Variants in ODAD2 observed in about 807,000 individuals in gnomAD.
ODAD2 encodes the protein outer dynein arm docking complex subunit 2.
Under a neutral mutation model 106.8 loss-of-function variants are expected in ODAD2, and 89 were observed. That is an observed-to-expected ratio of 0.83 (90% CI 0.70 to 0.99). The LOEUF is 0.99. Among genes scored for constraint, ODAD2 ranks in the 50% least tolerant of loss-of-function variants. The pLI, the probability that ODAD2 is intolerant of heterozygous loss-of-function variation, is 0.00. For missense variants in ODAD2, 1,168 were observed against 1,238.5 expected, an observed-to-expected ratio of 0.94 and a Z score of 0.85; for synonymous variants, 404 against 436.2, an observed-to-expected ratio of 0.93 and a Z score of 0.92.
chr10:27,984,241 T>G lies in ODAD2; in HGVS notation c.625A>C (p.Lys209Gln). ...TGGTTTCCTTTTCCTGAGAAACGTT[T>G]GAGCAGTTCTATATCCTTCTTCACC... is the stretch of plus-strand genomic sequence containing the variant. ...MTVKKDIELL[K>Q]RFSGKGNQTV... is the part of the protein sequence containing the mutation. Residue 209 changes from lysine (K) to glutamine (Q), a missense_variant, in exon 5 of 20, where the codon AAA (lysine) becomes CAA (glutamine). Physicochemically the swap from Lys to Gln is moderately conservative, Grantham distance 53. Around this residue, in one of 3 missense-constraint regions of ODAD2, gnomAD observed 430 missense variants for 452.2 expected, o/e 0.95. Coordinates refer to ENST00000305242, the MANE Select transcript of ODAD2 (RefSeq NM_018076.5). 6.2e-7 allele frequency: 1 copy of G among 1,613,942 alleles called. No individual in the cohort carries two copies. Among genetic ancestry groups the G allele is most frequent in the South Asian group, 1.1e-5 (1 of 91,072 alleles).
intron 12 of ODAD2, among the ~76,000 whole-genome samples, chr10:27,943,970 G>T (rs990180579): frequency 6.6e-6 from 1 of 152,158 alleles, no homozygotes; most frequent in African/African-American, 2.4e-5. Flanking sequence ...ACGTACAATA[G>T]GTGGTGACAG....
intron 17 of ODAD2, among the ~76,000 whole-genome samples, chr10:27,881,221 C>T (rs576295121): frequency 6.6e-6 from 1 of 152,248 alleles, no homozygotes; most frequent in Non-Finnish European, 1.5e-5. Flanking sequence ...GTTTACATAA[C>T]TAAAATAATC....
intron 17 of ODAD2, among the ~76,000 whole-genome samples, chr10:27,889,393 G>T (rs1342695147): frequency 6.6e-6 from 1 of 152,200 alleles, no homozygotes; most frequent in African/African-American, 2.4e-5. Context: ...GATGGACACA[G>T]CATATCAAAT....
rs1430138535 is a variant in ODAD2, at chr10:27,987,684, C to A, written c.225-141G>T. On this transcript the variant is annotated intron_variant, in intron 2 of 19. Coordinates refer to ENST00000305242, the MANE Select transcript of ODAD2 (RefSeq NM_018076.5). ...TAAATACATCTGGTTAGTAGCTCAT[C>A]TGTTTTCCCACTTTCTTCCACACTC... The A allele has an allele frequency of 1.5e-5, 8 of 545,430 alleles. No individual in the cohort carries two copies. The East Asian group carries it at 2.4e-4, about 16-fold the overall frequency. 33.8% of individuals were successfully genotyped at this position (545,430 alleles called of 1,614,324 possible). A position where few individuals can be genotyped will look rare whatever the true frequency, so the allele number is the denominator to read the frequency against.
intron 16 of ODAD2, among the ~76,000 whole-genome samples, chr10:27,929,906 T>C (rs1434813908): frequency 2.0e-5 from 3 of 152,154 alleles, no homozygotes; most frequent in African/African-American, 7.2e-5. Flanking sequence ...TAAGATCTTT[T>C]GGGGTCTTTT....
At chr10:27,813,813 G>A (rs1835922058) in intron 19 of ODAD2, among the ~76,000 whole-genome samples, 1 of 152,118 alleles carries the variant, frequency 6.6e-6, no homozygotes, top group South Asian at 2.1e-4. Flanking sequence ...TATATAGACT[G>A]TAGAGAAAAG....
intron 19 of ODAD2, among the ~76,000 whole-genome samples, chr10:27,821,951 GC>G (rs1047324388): frequency 2.6e-5 from 4 of 152,106 alleles, no homozygotes; most frequent in African/African-American, 9.7e-5. Context: ...AGGAAAACTA[GC>G]CCCCACGCTT....
chr10:27,931,066 A>G (rs772900783), intron 16 of ODAD2, among the ~76,000 whole-genome samples: 1 of 152,138 alleles, frequency 6.6e-6, no homozygotes, highest in Non-Finnish European at 1.5e-5. Flanking sequence ...CTCTGATGGC[A>G]AAGTCTTCAC....
chr10:27,917,003 T>C (rs1844431357), intron 16 of ODAD2, among the ~76,000 whole-genome samples: 1 of 152,132 alleles, frequency 6.6e-6, no homozygotes, highest in Non-Finnish European at 1.5e-5. Context: ...ATGATAAAGA[T>C]AGAAAAGACT....
intron 10 of ODAD2, among the ~76,000 whole-genome samples, chr10:27,960,435 C>T (rs187041778): frequency 0.018 from 2,747 of 151,298 alleles, 77 homozygotes; most frequent in African/African-American, 0.064. Context: ...CAACCTCCGC[C>T]TCCTGGGTTC....
rs189827197 is a variant in ODAD2, at chr10:27,812,212, A to C, written c.*300T>G. The C allele has an allele frequency of 2.2e-5, 7 of 313,666 alleles. No homozygotes were observed. Among genetic ancestry groups the C allele is most frequent in the Non-Finnish European group, 4.0e-5 (7 of 174,224 alleles). The allele number at this position is 313,666 out of a possible 1,614,324, so 19.4% of individuals were successfully genotyped here. On this transcript the variant is annotated 3_prime_UTR_variant, in exon 20 of 20. Coordinates refer to ENST00000305242, the MANE Select transcript of ODAD2 (RefSeq NM_018076.5). ...TTTATTAAAATCGCCACAAATACAA[A>C]AGCATCACTGAACTAAAAATACATC...
intron 17 of ODAD2, among the ~76,000 whole-genome samples, chr10:27,873,062 C>T (rs967779961): frequency 7.6e-4 from 31 of 40,748 alleles, no homozygotes; most frequent in Admixed American, 4.8e-3. Flanking sequence ...AGGGATTCAA[C>T]TTCTTCCTGG....
Position 27,940,800 on chromosome 10 carries a change from A to G in ODAD2, c.1749T>C (p.Ala583=). 1 of 1,611,616 alleles carries G rather than the reference A, an allele frequency of 6.2e-7. No homozygotes were observed. Among genetic ancestry groups the G allele is most frequent in the South Asian group, 1.1e-5 (1 of 90,500 alleles). ...TGGAATCATGTGCACAGTCTAGTAGAGCAACCTATAATAATAGATAAATCC... is the reference window on the plus strand; with the variant it reads ...TGGAATCATGTGCACAGTCTAGTAGGGCAACCTATAATAATAGATAAATCC... ...RQHGGITKLV[A]LLDCAHDSTK... Residue 583 remains alanine, a synonymous_variant, in exon 13 of 20, where the codon GCT becomes GCC. Coordinates refer to ENST00000305242, the MANE Select transcript of ODAD2 (RefSeq NM_018076.5).
intron 17 of ODAD2, among the ~76,000 whole-genome samples, chr10:27,882,146 T>C (rs1021778580): frequency 5.8e-5 from 8 of 138,624 alleles, no homozygotes; most frequent in African/African-American, 2.2e-4. Context: ...CCAGCCTGGG[T>C]GACAGAGTGA....
chr10:27,957,719 A>G (rs945395440), intron 10 of ODAD2: 1 of 152,234 alleles, frequency 6.6e-6, no homozygotes, highest in African/African-American at 2.4e-5. Context: ...TGAAATTAAC[A>G]TATGTCAAAC....
chr10:27,909,750 G>A (rs937854932), intron 16 of ODAD2, among the ~76,000 whole-genome samples: 2 of 148,446 alleles, frequency 1.3e-5, no homozygotes, highest in Non-Finnish European at 3.0e-5. Context: ...CCCAGGAGGT[G>A]GAGGTTGCAG....
At position 27,935,001 on chromosome 10, in the gene ODAD2, G is replaced by C. The variant is rs764462367; in HGVS notation, c.2495+9C>G. On this transcript the variant is annotated intron_variant, in intron 16 of 19. Coordinates refer to ENST00000305242, the MANE Select transcript of ODAD2 (RefSeq NM_018076.5). ...TATATAAAATCTTTCCATCTCCAGGGCCACTTACATCATACTTTCAGGTTC... is the reference window on the plus strand; with the variant it reads ...TATATAAAATCTTTCCATCTCCAGGCCCACTTACATCATACTTTCAGGTTC... 1.9e-6 allele frequency: 3 copies of C among 1,613,518 alleles called. No homozygotes were observed. In the African/African-American group the frequency reaches 4.0e-5, roughly 22 times the overall value.
intron 17 of ODAD2, among the ~76,000 whole-genome samples, chr10:27,878,385 G>A (rs1448157524): frequency 6.6e-6 from 1 of 152,066 alleles, no homozygotes; most frequent in Non-Finnish European, 1.5e-5. Flanking sequence ...CAGAAAACTG[G>A]GTGTTTTGGC....
intron 17 of ODAD2, among the ~76,000 whole-genome samples, chr10:27,895,501 T>C (rs1238451689): frequency 6.6e-6 from 1 of 152,208 alleles, no homozygotes; most frequent in Non-Finnish European, 1.5e-5. Context: ...TTGGCCAGGC[T>C]GGGTCTTGAA....
Sources: allele counts gnomAD v4.1 joint callset (sites outside exome capture counted in the v4.1 genomes callset), GRCh38; gene constraint gnomAD v4.1.1; regional missense constraint gnomAD v4.1.1; transcripts MANE v1.5; gene names NCBI Gene and HGNC (gene_info 2026-07-23, HGNC 2026-07-21).